Variants in ATL1 observed in about 807,000 individuals in gnomAD.
The protein encoded by ATL1 is atlastin-1.
In ATL1, 31 loss-of-function variants were observed where a neutral mutation model predicts 75.5. The ratio of observed to expected loss-of-function variants is 0.41; its 90% CI spans 0.31 to 0.55. The LOEUF is 0.55. Ranked by LOEUF, ATL1 falls within the 20% of genes least tolerant of loss-of-function variation. The pLI is 0.27. For missense variants in ATL1, 405 were observed against 662.6 expected, an observed-to-expected ratio of 0.61 and a Z score of 4.27; for synonymous variants, 226 against 233.3, an observed-to-expected ratio of 0.97 and a Z score of 0.28.
At position 50,607,536 on chromosome 14, in the gene ATL1, GCT is replaced by G. The variant is rs1180560690; in HGVS notation, c.631-5718_631-5717del. On this transcript the variant is annotated intron_variant, in intron 6 of 13. Coordinates refer to ENST00000358385, the MANE Select transcript of ATL1 (RefSeq NM_015915.5). ...CTTGACTGACTTTTAAAGCAATGAG[GCT>G]CTCTGTTGGCTTTTTGTGTGGGTTG... 2.6e-5 allele frequency among the ~76,000 whole-genome samples: 4 copies of G among 151,970 alleles called. No homozygotes were observed. The South Asian group carries it at 6.2e-4, about 24-fold the overall frequency.
intron 6 of ATL1, among the ~76,000 whole-genome samples, 181 bp from the exon 7 acceptor site, chr14:50,613,078 A>C (rs1323784083): frequency 6.6e-6 from 1 of 152,166 alleles, no homozygotes; most frequent in Non-Finnish European, 1.5e-5. Context: ...GGAAATATGT[A>C]GGATGATCTC....
At chr14:50,596,731 A>G (rs899075946) in intron 6 of ATL1, among the ~76,000 whole-genome samples, 2 of 152,228 alleles carry the variant, frequency 1.3e-5, no homozygotes, top group African/African-American at 4.8e-5. Context: ...AAAATAATTC[A>G]TGGGTTAAGT....
At chr14:50,618,877 G>GTGTGTA (rs760117843) in intron 8 of ATL1, among the ~76,000 whole-genome samples, 13 of 133,346 alleles carry the variant, frequency 9.7e-5, no homozygotes, top group African/African-American at 3.6e-4. Flanking sequence ...GTGTGTGTGT[G>GTGTGTA]TATATATATA....
At chr14:50,576,488 T>A (rs1333880557) in intron 1 of ATL1, among the ~76,000 whole-genome samples, 3 of 152,162 alleles carry the variant, frequency 2.0e-5, no homozygotes, top group Non-Finnish European at 4.4e-5. Flanking sequence ...TTCTGGGAAT[T>A]GAAACTGAGT....
At chr14:50,541,408 T>C (rs1037117376) in intron 1 of ATL1, among the ~76,000 whole-genome samples, 1 of 152,208 alleles carries the variant, frequency 6.6e-6, no homozygotes, top group African/African-American at 2.4e-5. Context: ...CCTGACACAT[T>C]AGTGACATTT....
In ATL1 at chr14:50,541,292, T is replaced by C. The variant is rs2038557165; in HGVS notation, c.-140+7925T>C. On this transcript the variant is annotated intron_variant, in intron 1 of 13. Coordinates refer to the ATL1 transcript ENST00000441560. ...ATATCATGGTAGTCTTTTATCTTGA[T>C]AACATTATGCAAATTGCACCTTGTG... Among the ~76,000 whole-genome samples the C allele has an allele frequency of 3.3e-5, 5 of 152,204 alleles. No individual in the cohort carries two copies. The South Asian group carries it at 1.0e-3, about 32-fold the overall frequency.
upstream of ATL1, among the ~76,000 whole-genome samples, chr14:50,558,219 C>T (rs1299923173): frequency 1.3e-5 from 2 of 152,086 alleles, no homozygotes; most frequent in Non-Finnish European, 2.9e-5. Context: ...AACAGCCAGG[C>T]GTGCTGGCGA....
At chr14:50,545,491 T>G (rs1166216966) in intron 1 of ATL1, among the ~76,000 whole-genome samples, 1 of 152,082 alleles carries the variant, frequency 6.6e-6, no homozygotes, top group Admixed American at 6.6e-5. Context: ...TGCTCAACCT[T>G]TGTGGGCTGC....
intron 8 of ATL1, among the ~76,000 whole-genome samples, chr14:50,617,833 T>G (rs1164012585): frequency 6.6e-6 from 1 of 152,248 alleles, no homozygotes; most frequent in Non-Finnish European, 1.5e-5. Context: ...TTCTGGTTCA[T>G]GTCTTTACTG....
At chr14:50,538,063 A>C (rs1284306151) in intron 1 of ATL1, among the ~76,000 whole-genome samples, 1 of 152,182 alleles carries the variant, frequency 6.6e-6, no homozygotes, top group Non-Finnish European at 1.5e-5. Context: ...GCCCACCCAC[A>C]TCTCATCTTG....
At chr14:50,558,238 A>G (rs2038787937), upstream of ATL1, among the ~76,000 whole-genome samples, 1 of 152,214 alleles carries the variant, frequency 6.6e-6, no homozygotes, top group Admixed American at 6.5e-5. Flanking sequence ...GACCGCCAGT[A>G]ATCCCAGCTA....
intron 5 of ATL1, among the ~76,000 whole-genome samples, chr14:50,594,893 G>C (rs1365073987): frequency 6.6e-6 from 1 of 151,648 alleles, no homozygotes; most frequent in Non-Finnish European, 1.5e-5. Context: ...CAGCTATTCA[G>C]TAGGCTGAGG....
chr14:50,621,656 A>C (rs1386319690), intron 9 of ATL1, among the ~76,000 whole-genome samples, 187 bp from the exon 10 acceptor site: 2 of 152,240 alleles, frequency 1.3e-5, no homozygotes, highest in African/African-American at 4.8e-5. Context: ...TGTTTGAAAA[A>C]GGCATTTCAG....
At chr14:50,535,643 G>T (rs553396137) in intron 1 of ATL1, among the ~76,000 whole-genome samples, 1 of 152,160 alleles carries the variant, frequency 6.6e-6, no homozygotes, top group African/African-American at 2.4e-5. Context: ...TCCAAATATA[G>T]GGCAATTTTT....
intron 6 of ATL1, among the ~76,000 whole-genome samples, chr14:50,597,228 A>AAAAAAAAAAG (rs1555364384): frequency 2.0e-5 from 3 of 149,948 alleles, no homozygotes; most frequent in Non-Finnish European, 4.4e-5. Flanking sequence ...AACAAAAAAA[A>AAAAAAAAAAG]AAAAAGAAAA....
At chr14:50,573,537 T>C (rs567088215) in intron 1 of ATL1, among the ~76,000 whole-genome samples, 3 of 152,358 alleles carry the variant, frequency 2.0e-5, no homozygotes, top group African/African-American at 7.2e-5. Flanking sequence ...AAATTCGATT[T>C]ATGTACTAAT....
intron 11 of ATL1, among the ~76,000 whole-genome samples, chr14:50,626,959 T>C (rs2039526889): frequency 6.6e-6 from 1 of 152,212 alleles, no homozygotes; most frequent in Non-Finnish European, 1.5e-5. Flanking sequence ...TGATAAAGCA[T>C]TGGCAGGGTT....
intron 4 of ATL1, among the ~76,000 whole-genome samples, chr14:50,592,526 T>TTTA (rs2039168454): frequency 7.6e-6 from 1 of 131,474 alleles, no homozygotes; most frequent in African/African-American, 2.6e-5. Flanking sequence ...AATAAAGGAC[T>TTTA]TTAAAGTAAA....
intron 1 of ATL1, among the ~76,000 whole-genome samples, chr14:50,533,893 C>T (rs529658184): frequency 6.6e-6 from 1 of 152,306 alleles, no homozygotes; most frequent in East Asian, 1.9e-4. Context: ...TTGTGCTCCA[C>T]ACACAAAGGG....
Sources: allele counts gnomAD v4.1 joint callset (sites outside exome capture counted in the v4.1 genomes callset), GRCh38; gene constraint gnomAD v4.1.1; transcripts MANE v1.5; gene names NCBI Gene and HGNC (gene_info 2026-07-23, HGNC 2026-07-21).